Variants in SLC35F4 observed in about 807,000 individuals in gnomAD.
The protein encoded by SLC35F4 is solute carrier family 35 member F4.
Under a neutral mutation model 44.2 loss-of-function variants are expected in SLC35F4, and 24 were observed. The ratio of observed to expected loss-of-function variants is 0.54; its 90% CI spans 0.39 to 0.76. SLC35F4 has a LOEUF of 0.76. Among genes scored for constraint, SLC35F4 ranks in the 30% least tolerant of loss-of-function variants. The pLI, the probability that SLC35F4 is intolerant of heterozygous loss-of-function variation, is 0.00. For synonymous variants in SLC35F4, 238 were observed against 223.6 expected, an observed-to-expected ratio of 1.06 and a Z score of -0.57; for missense variants, 562 against 586.1, an observed-to-expected ratio of 0.96 and a Z score of 0.42.
At chr14:57,971,269 C>T (rs1055208183) in intron 1 of SLC35F4, among the ~76,000 whole-genome samples, 19 of 152,190 alleles carry the variant, frequency 1.2e-4, no homozygotes, top group African/African-American at 4.6e-4. Flanking sequence ...TCCCTGCAAT[C>T]TTGTTTAAAC....
intron 1 of SLC35F4, among the ~76,000 whole-genome samples, chr14:57,728,719 T>C (rs551476854): frequency 6.6e-6 from 1 of 152,246 alleles, no homozygotes; most frequent in African/African-American, 2.4e-5. Flanking sequence ...CTCCTTGGCC[T>C]CCCAAAGTGC....
In SLC35F4 at chr14:57,604,490, T is replaced by C. The variant is rs541664891; in HGVS notation, c.104-10366A>G. On this transcript the variant is annotated intron_variant, in intron 1 of 7. Coordinates refer to ENST00000556826, the MANE Select transcript of SLC35F4 (RefSeq NM_001306087.2). ...TGAATGGAAAAACATCCCATGCTCA[T>C]GGATTGGAAGAATCAATATCATTAA... 4.9e-4 allele frequency among the ~76,000 whole-genome samples: 75 copies of C among 152,328 alleles called. No individual in the cohort carries two copies. The Middle Eastern group carries it at 0.01, about 21-fold the overall frequency.
chr14:57,655,375 T>C (rs1351347786), intron 1 of SLC35F4, among the ~76,000 whole-genome samples: 1 of 152,064 alleles, frequency 6.6e-6, no homozygotes, highest in Non-Finnish European at 1.5e-5. Context: ...GTGCACAGAC[T>C]GAGAAAAATA....
chr14:57,887,333 T>C (rs1454345166), intron 1 of SLC35F4, among the ~76,000 whole-genome samples: 1 of 152,130 alleles, frequency 6.6e-6, no homozygotes, highest in Non-Finnish European at 1.5e-5. Context: ...GCATTCAAGC[T>C]CCCTGGCTCA....
At chr14:57,970,987 T>C (rs1399808668) in intron 1 of SLC35F4, among the ~76,000 whole-genome samples, 1 of 152,214 alleles carries the variant, frequency 6.6e-6, no homozygotes, top group Non-Finnish European at 1.5e-5. Context: ...CCCTCAGAGA[T>C]GACTTTGCTC....
At chr14:57,645,894 T>C (rs57697477) in intron 1 of SLC35F4, among the ~76,000 whole-genome samples, 4,041 of 152,144 alleles carry the variant, frequency 0.027, 82 homozygotes, top group South Asian at 0.075. Flanking sequence ...GTGGTTTTTG[T>C]CTTTGGTTCC....
rs113946933 is a variant in SLC35F4, at chr14:57,865,842, C to T, written c.-17G>A. 18 of 1,486,150 alleles carry T rather than the reference C, an allele frequency of 1.2e-5. No individual in the cohort carries two copies. Among genetic ancestry groups the T allele is most frequent in the African/African-American group, 1.2e-4 (8 of 68,862 alleles). The allele number at this position is 1,486,150 out of a possible 1,614,324, so 92.1% of individuals were successfully genotyped here. A position where few individuals can be genotyped will look rare whatever the true frequency, so the allele number is the denominator to read the frequency against. On this transcript the variant is annotated 5_prime_UTR_variant, in exon 1 of 8. Coordinates refer to ENST00000556826, the MANE Select transcript of SLC35F4 (RefSeq NM_001306087.2). ...GACATCCATAGAGAGCGCGGGGCGA[C>T]GGCCCCGAGTGCGGCGGGGCGGAGA...
intron 1 of SLC35F4, 83 bp downstream of exon 1, chr14:57,865,640 C>G (rs1888097629): frequency 1.7e-6 from 2 of 1,202,570 alleles, no homozygotes; most frequent in Non-Finnish European, 2.3e-6. Flanking sequence ...GTACCGCGCG[C>G]CCGCCCGTCC....
chr14:57,765,203 T>C (rs2077208271), intron 1 of SLC35F4, among the ~76,000 whole-genome samples: 1 of 152,226 alleles, frequency 6.6e-6, no homozygotes, highest in African/African-American at 2.4e-5. Context: ...TGCTGTGCTA[T>C]TGTAATCTGA....
rs1375233915 is a variant in SLC35F4, at chr14:57,954,523, C to A, written n.282+27390G>T. Among the ~76,000 whole-genome samples, 5 of 152,056 alleles carry A rather than the reference C, an allele frequency of 3.3e-5. No homozygotes were observed. In the South Asian group the frequency reaches 6.2e-4, roughly 19 times the overall value. ...AAAGATTAACAAAATAGATAGACCG[C>A]CAGCCAGACTAATAAAGAAGAAAAG... On this transcript the variant is annotated intron_variant and non_coding_transcript_variant, in intron 1 of 1. Transcript: ENST00000556568.
chr14:57,916,297 T>G (rs1204555653), intron 1 of SLC35F4, among the ~76,000 whole-genome samples: 2 of 152,214 alleles, frequency 1.3e-5, no homozygotes, highest in African/African-American at 4.8e-5. Flanking sequence ...TAATCAGCTC[T>G]TAAAGATCCC....
chr14:57,705,602 G>T (rs560148733), intron 1 of SLC35F4, among the ~76,000 whole-genome samples: 33 of 152,202 alleles, frequency 2.2e-4, no homozygotes, highest in African/African-American at 7.7e-4. Context: ...CTGTTGAGTA[G>T]CCCCACTTCC....
At chr14:57,867,604 C>CG (rs921797737), upstream of SLC35F4, among the ~76,000 whole-genome samples, 12 of 150,018 alleles carry the variant, frequency 8.0e-5, no homozygotes, top group East Asian at 2.1e-3. Context: ...GCCTTTACAC[C>CG]CCCCCCCACG....
chr14:57,719,796 C>A (rs1011325533), intron 1 of SLC35F4, among the ~76,000 whole-genome samples: 2 of 151,840 alleles, frequency 1.3e-5, no homozygotes, highest in Non-Finnish European at 2.9e-5. Flanking sequence ...ATTTGGATAC[C>A]CTTTATTTTT....
At chr14:57,701,339 C>CA (rs1382495631) in intron 1 of SLC35F4, among the ~76,000 whole-genome samples, 2 of 152,108 alleles carry the variant, frequency 1.3e-5, no homozygotes, top group Non-Finnish European at 2.9e-5. Context: ...GAAATACCTC[C>CA]TGAAAGACCT....
chr14:57,598,891 A>ATGTGTG (rs34462836), intron 1 of SLC35F4, among the ~76,000 whole-genome samples: 2 of 150,710 alleles, frequency 1.3e-5, no homozygotes, highest in African/African-American at 4.9e-5. Context: ...GTGTGTGTGT[A>ATGTGTG]TGTGTGTGTG....
intron 3 of SLC35F4, among the ~76,000 whole-genome samples, chr14:57,586,641 C>G (rs2069743127): frequency 6.9e-6 from 1 of 144,796 alleles, no homozygotes. Flanking sequence ...TGTCGTGAAC[C>G]CAGGAGGTGG....
intron 1 of SLC35F4, among the ~76,000 whole-genome samples, chr14:57,688,334 GTTTGA>G (rs2075128548): frequency 6.6e-6 from 1 of 152,152 alleles, no homozygotes; most frequent in African/African-American, 2.4e-5. Flanking sequence ...GATAAATTAG[GTTTGA>G]TTGCAGCTAA....
At chr14:57,833,933 T>C (rs1413423559) in intron 1 of SLC35F4, among the ~76,000 whole-genome samples, 1 of 152,210 alleles carries the variant, frequency 6.6e-6, no homozygotes, top group Non-Finnish European at 1.5e-5. Context: ...ATGTTTAATT[T>C]TACCATAGGA....
Sources: gnomAD v4.1 joint callset for allele counts (sites outside exome capture counted in the v4.1 genomes callset) on GRCh38, gnomAD v4.1.1 for gene constraint, MANE v1.5 for transcripts, NCBI Gene and HGNC (gene_info 2026-07-23, HGNC 2026-07-21) for gene names.